PSD3: variants seen among roughly 807,000 people sequenced by gnomAD.
PSD3 encodes the protein pleckstrin and Sec7 domain containing 3.
In PSD3, 49 loss-of-function variants were observed where a neutral mutation model predicts 105.5. That is an observed-to-expected ratio of 0.46 (90% CI 0.37 to 0.59). PSD3 has a LOEUF of 0.59. PSD3 is among the 20% of genes least tolerant of loss of function. The probability of loss-of-function intolerance (pLI) is 0.00; values close to 1 mark genes in which losing one functional copy is unlikely to be tolerated. For missense variants in PSD3, 1,561 were observed against 1,263.8 expected, an observed-to-expected ratio of 1.24 and a Z score of -3.57; for synonymous variants, 557 against 457.8, an observed-to-expected ratio of 1.22 and a Z score of -2.77.
At chr8:18,701,298 T>C (rs1319895911) in intron 9 of PSD3, among the ~76,000 whole-genome samples, 1 of 152,148 alleles carries the variant, frequency 6.6e-6, no homozygotes, top group Non-Finnish European at 1.5e-5. Context: ...TTGTATACTG[T>C]AAGTAAAATA....
chr8:19,018,785 G>C (rs1827260046), intron 1 of PSD3, among the ~76,000 whole-genome samples: 1 of 152,162 alleles, frequency 6.6e-6, no homozygotes, highest in African/African-American at 2.4e-5. Flanking sequence ...ATCCTCATGA[G>C]AGTCAGAAGA....
intron 1 of PSD3, among the ~76,000 whole-genome samples, chr8:18,996,448 C>T (rs1031338495): frequency 4.0e-5 from 6 of 151,706 alleles, no homozygotes; most frequent in African/African-American, 1.5e-4. Context: ...ACAAAAGAAA[C>T]AGTTTTGATT....
At chr8:18,548,738 A>C (rs1800591561) in intron 15 of PSD3, among the ~76,000 whole-genome samples, 1 of 152,096 alleles carries the variant, frequency 6.6e-6, no homozygotes, top group South Asian at 2.1e-4. Flanking sequence ...CAGTGCATGC[A>C]TTGGGAGCTG....
chr8:18,911,868 A>T (rs1194699362), intron 2 of PSD3, among the ~76,000 whole-genome samples: 1 of 152,222 alleles, frequency 6.6e-6, no homozygotes, highest in Non-Finnish European at 1.5e-5. Flanking sequence ...CCCCAAATTA[A>T]GAAAAATATC....
intron 1 of PSD3, among the ~76,000 whole-genome samples, chr8:19,059,131 A>G (rs886777752): frequency 6.6e-6 from 1 of 152,180 alleles, no homozygotes; most frequent in African/African-American, 2.4e-5. Context: ...TTTAGCAGAG[A>G]CATGAAAAGC....
intron 1 of PSD3, among the ~76,000 whole-genome samples, chr8:19,031,301 A>G (rs757737256): frequency 6.6e-6 from 1 of 152,212 alleles, no homozygotes; most frequent in Non-Finnish European, 1.5e-5. Flanking sequence ...TACCTAGCAC[A>G]AACTACACTC....
intron 12 of PSD3, among the ~76,000 whole-genome samples, chr8:18,590,930 A>C (rs1803556318): frequency 6.6e-6 from 1 of 152,214 alleles, no homozygotes; most frequent in Admixed American, 6.5e-5. Flanking sequence ...GAAAAGAATA[A>C]GACGCCAAAA....
intron 8 of PSD3, among the ~76,000 whole-genome samples, chr8:18,798,584 G>T (rs1041759973): frequency 2.0e-5 from 3 of 151,746 alleles, no homozygotes; most frequent in Non-Finnish European, 4.4e-5. Context: ...GCAAATCAAG[G>T]GATAATATAC....
At chr8:18,930,616 C>CTAGA (rs1821685337) in intron 2 of PSD3, among the ~76,000 whole-genome samples, 2 of 146,916 alleles carry the variant, frequency 1.4e-5, no homozygotes, top group South Asian at 4.3e-4. Flanking sequence ...TGTTGCCAGG[C>CTAGA]TAGAGTACAG....
intron 1 of PSD3, among the ~76,000 whole-genome samples, chr8:19,065,144 T>C (rs938452154): frequency 2.0e-5 from 3 of 152,356 alleles, no homozygotes; most frequent in South Asian, 2.1e-4. Context: ...ATGACCAGTC[T>C]GCTTTTTGTT....
intron 15 of PSD3, among the ~76,000 whole-genome samples, chr8:18,554,866 G>C (rs1800973142): frequency 6.6e-6 from 1 of 152,170 alleles, no homozygotes; most frequent in East Asian, 1.9e-4. Flanking sequence ...GAACAGGACT[G>C]TCAGAAATGA....
At chr8:18,719,465 T>G (rs1802811301) in intron 9 of PSD3, among the ~76,000 whole-genome samples, 1 of 152,226 alleles carries the variant, frequency 6.6e-6, no homozygotes, top group African/African-American at 2.4e-5. Flanking sequence ...ATCTTTATTA[T>G]GTGCTACTAG....
intron 1 of PSD3, among the ~76,000 whole-genome samples, chr8:18,941,838 AATTTTTGT>A (rs149376703): frequency 0.18 from 26,629 of 151,552 alleles, 2,531 homozygotes; most frequent in African/African-American, 0.25. Context: ...ATGCCTGGCT[AATTTTTGT>A]ATTTTTAGTA....
Position 18,871,725 on chromosome 8 carries a change from G to C in PSD3, c.1139C>G (p.Ser380Cys), listed in dbSNP as rs539572604. The C allele has an allele frequency of 6.2e-7, 1 of 1,614,124 alleles. No individual in the cohort carries two copies. ...ERPGTSSGTF[S>C]PVRLDESGED... ...TCCACTCTCATCAAGACGCACAGGG[G>C]AAAATGTCCCCGAGCTAGTGCCAGG... Residue 380 changes from serine (S) to cysteine (C), a missense_variant, in exon 3 of 16, where the codon TCC (serine) becomes TGC (cysteine). By Grantham distance (112) the Ser-to-Cys change is moderately radical (BLOSUM62 -1). Transcript: ENST00000327040.
In PSD3 at chr8:18,571,778, G is replaced by C. The variant is rs542496672; in HGVS notation, c.2784+750C>G. Among the ~76,000 whole-genome samples, 4 of 152,184 alleles carry C rather than the reference G, an allele frequency of 2.6e-5. No homozygotes were observed. The South Asian group carries it at 8.3e-4, about 32-fold the overall frequency. On this transcript the variant is annotated intron_variant, in intron 14 of 15. Transcript: ENST00000327040. ...ACCAACACTTGGTCGATCATAGTAAGATAAAACTGTCTCTATGTAATAAGA... is the reference window on the plus strand; with the variant it reads ...ACCAACACTTGGTCGATCATAGTAACATAAAACTGTCTCTATGTAATAAGA...
Position 18,531,576 on chromosome 8 carries a change from G to A in PSD3, c.*4167C>T, listed in dbSNP as rs1389289669. ...AAGAAATTTGCTGACATGTGGCAGA[G>A]CAGTGGCATGGCCTGGGAGACAAGA... On this transcript the variant is annotated 3_prime_UTR_variant, in exon 16 of 16. Coordinates refer to ENST00000327040, the MANE Select transcript of PSD3 (RefSeq NM_015310.4). The A allele has an allele frequency of 1.3e-5, 2 of 152,352 alleles. No homozygotes were observed. The highest frequency in any genetic ancestry group is 4.8e-5 in the African/African-American group (2 of 41,476). The allele number at this position is 152,352 out of a possible 1,614,324, so 9.4% of individuals were successfully genotyped here.
At chr8:18,915,301 A>G (rs542549948) in intron 2 of PSD3, among the ~76,000 whole-genome samples, 2 of 152,328 alleles carry the variant, frequency 1.3e-5, no homozygotes, top group African/African-American at 4.8e-5. Context: ...TTTTTGGTAT[A>G]TAACACCAAA....
At chr8:18,647,998 C>G (rs946018173) in intron 10 of PSD3, among the ~76,000 whole-genome samples, 1 of 152,178 alleles carries the variant, frequency 6.6e-6, no homozygotes, top group South Asian at 2.1e-4. Context: ...ACCACGCTTC[C>G]TGTGTAGCCT....
intron 2 of PSD3, among the ~76,000 whole-genome samples, chr8:18,892,143 T>C (rs1818825914): frequency 6.6e-6 from 1 of 150,888 alleles, no homozygotes; most frequent in Non-Finnish European, 1.5e-5. Flanking sequence ...TTAATCTTTC[T>C]TTCCCTATTG....
Sources: allele counts gnomAD v4.1 joint callset (sites outside exome capture counted in the v4.1 genomes callset), GRCh38; gene constraint gnomAD v4.1.1; transcripts MANE v1.5; gene names NCBI Gene and HGNC (gene_info 2026-07-23, HGNC 2026-07-21).